CFAP251: variants seen among roughly 807,000 people sequenced by gnomAD.
CFAP251 encodes cilia- and flagella-associated protein 251.
In CFAP251, 93 loss-of-function variants were observed where a neutral mutation model predicts 126.7. The observed-to-expected ratio is 0.73, with a 90% CI of 0.62 to 0.87. The LOEUF (loss-of-function observed/expected upper bound fraction) is 0.87, where lower values mean the gene tolerates loss of function less well. Ranked by LOEUF, CFAP251 falls within the 40% of genes least tolerant of loss-of-function variation. CFAP251 has a pLI of 0.00. For synonymous variants in CFAP251, 503 were observed against 506.9 expected (o/e 0.99, Z 0.10); for missense variants, 1,287 against 1,389.2 (o/e 0.93, Z 1.17).
chr12:121,958,585 A>C (rs1881813141), intron 12 of CFAP251, 63 bp downstream of exon 12: 1 of 1,597,146 alleles, frequency 6.3e-7, no homozygotes, highest in Non-Finnish European at 8.5e-7. Flanking sequence ...GGATGGATGC[A>C]CCTGGGCTGG....
At chr12:121,963,477 A>G (rs1415975486) in intron 15 of CFAP251, among the ~76,000 whole-genome samples, 1 of 151,252 alleles carries the variant, frequency 6.6e-6, no homozygotes, top group East Asian at 2.0e-4. Flanking sequence ...GGAACACAGG[A>G]TGGTTGAAGG....
At chr12:121,927,444 C>T (rs914884540) in intron 3 of CFAP251, among the ~76,000 whole-genome samples, 2 of 151,964 alleles carry the variant, frequency 1.3e-5, no homozygotes, top group East Asian at 3.9e-4. Context: ...ATTATAGGCA[C>T]GCACCACCAT....
intron 8 of CFAP251, chr12:121,951,058 A>AT (rs1881504369): frequency 6.9e-6 from 1 of 145,244 alleles, no homozygotes; most frequent in South Asian, 2.2e-4. Flanking sequence ...ATCTCTACTA[A>AT]AAAAAAAAAA....
At chr12:121,988,483 C>A (rs1441688183) in intron 19 of CFAP251, among the ~76,000 whole-genome samples, 1 of 152,194 alleles carries the variant, frequency 6.6e-6, no homozygotes, top group Non-Finnish European at 1.5e-5. Flanking sequence ...AATATGTGGT[C>A]TTTTGGGTCC....
Position 121,951,469 on chromosome 12 carries a change from C to T in CFAP251, c.1270-11C>T. The T allele has an allele frequency of 6.5e-7, 1 of 1,533,312 alleles. No individual in the cohort carries two copies. The allele number at this position is 1,533,312 out of a possible 1,614,324, so 95.0% of individuals were successfully genotyped here. A position where few individuals can be genotyped will look rare whatever the true frequency, so the allele number is the denominator to read the frequency against. On this transcript the variant is annotated splice_polypyrimidine_tract_variant and intron_variant, in intron 8 of 21. Transcript: ENST00000288912. ...TCTTTTTGAGTAGTGATTATTTTTTCCTCTTATCAGTATGAAGAGAGGGAT... is the reference window on the plus strand; with the variant it reads ...TCTTTTTGAGTAGTGATTATTTTTTTCTCTTATCAGTATGAAGAGAGGGAT...
At chr12:121,981,094 G>A (rs947410013) in intron 19 of CFAP251, among the ~76,000 whole-genome samples, 1 of 152,182 alleles carries the variant, frequency 6.6e-6, no homozygotes, top group Non-Finnish European at 1.5e-5. Context: ...CTTAAGAGGC[G>A]ATGGGATCGC....
At chr12:121,978,125 G>C (rs930458218) in intron 19 of CFAP251, among the ~76,000 whole-genome samples, 1 of 151,262 alleles carries the variant, frequency 6.6e-6, no homozygotes, top group Non-Finnish European at 1.5e-5. Context: ...GGGCGCGGTG[G>C]CTCACGCCTG....
intron 19 of CFAP251, among the ~76,000 whole-genome samples, chr12:121,984,598 C>T (rs1882702135): frequency 6.6e-6 from 1 of 152,142 alleles, no homozygotes; most frequent in Non-Finnish European, 1.5e-5. Flanking sequence ...TGAGCCACGG[C>T]GCCCGGCCTA....
chr12:121,983,995 A>G (rs1346591602), intron 19 of CFAP251, among the ~76,000 whole-genome samples: 1 of 152,204 alleles, frequency 6.6e-6, no homozygotes, highest in African/African-American at 2.4e-5. Flanking sequence ...CCCCTCCTTC[A>G]GGAAGTTGCA....
chr12:121,997,849 T>C (rs1883056183), intron 19 of CFAP251: 1 of 151,604 alleles, frequency 6.6e-6, no homozygotes, highest in African/African-American at 2.4e-5. Context: ...CCTCCCCAGT[T>C]CAAGCGATTC....
At chr12:121,996,700 G>A (rs753069165) in intron 19 of CFAP251, among the ~76,000 whole-genome samples, 6 of 152,156 alleles carry the variant, frequency 3.9e-5, no homozygotes, top group Admixed American at 1.3e-4. Flanking sequence ...AAGAATGAAC[G>A]TCTAAAAGAT....
intron 7 of CFAP251, among the ~76,000 whole-genome samples, chr12:121,946,504 G>A (rs1309994928): frequency 2.0e-5 from 3 of 152,078 alleles, no homozygotes; most frequent in Non-Finnish European, 4.4e-5. Flanking sequence ...GTCAGCTGTC[G>A]ATCCCTATTT....
chr12:121,928,638 G>A lies in CFAP251; in HGVS notation c.748-3108G>A, dbSNP rs12812192. 1.2e-3 allele frequency among the ~76,000 whole-genome samples: 40 copies of A among 33,344 alleles called. 1 individual carries two copies. Among genetic ancestry groups the A allele is most frequent in the Non-Finnish European group, 5.0e-3 (26 of 5,216 alleles). 21.9% of individuals were successfully genotyped at this position (33,344 alleles called of 152,430 possible). A position where few individuals can be genotyped will look rare whatever the true frequency, so the allele number is the denominator to read the frequency against. Reference sequence around the variant, plus strand: ...TTTATGTATATGTGTATATATATACGTATATATATATATATATACGTATAT... The same window carrying A: ...TTTATGTATATGTGTATATATATACATATATATATATATATATACGTATAT... On this transcript the variant is annotated intron_variant, in intron 3 of 21. Transcript: ENST00000288912.
intron 7 of CFAP251, among the ~76,000 whole-genome samples, 199 bp downstream of exon 7, chr12:121,943,174 G>A (rs1881192221): frequency 6.6e-6 from 1 of 152,066 alleles, no homozygotes; most frequent in Non-Finnish European, 1.5e-5. Flanking sequence ...TTCCCTGGGT[G>A]TGGTGGCACA....
intron 19 of CFAP251, among the ~76,000 whole-genome samples, chr12:121,995,913 G>A (rs1883012438): frequency 6.6e-6 from 1 of 152,216 alleles, no homozygotes; most frequent in Admixed American, 6.5e-5. Context: ...AAATATGCAT[G>A]TGTATTTTAT....
chr12:121,937,520 G>A (rs537768872), intron 5 of CFAP251, among the ~76,000 whole-genome samples: 18 of 152,276 alleles, frequency 1.2e-4, no homozygotes, highest in East Asian at 5.8e-4. Flanking sequence ...TCACTAGAGC[G>A]CAGCACCAGG....
chr12:121,929,050 C>T (rs2135750148), intron 3 of CFAP251, among the ~76,000 whole-genome samples: 1 of 152,116 alleles, frequency 6.6e-6, no homozygotes, highest in East Asian at 1.9e-4. Flanking sequence ...AGGCCGGGAG[C>T]AGTGGCTCAT....
chr12:121,936,316 G>A (rs1018983079), intron 5 of CFAP251, among the ~76,000 whole-genome samples: 1 of 152,108 alleles, frequency 6.6e-6, no homozygotes, highest in Non-Finnish European at 1.5e-5. Context: ...ATGTGGTGGT[G>A]CATGCCTGTA....
rs911311582 is a variant in CFAP251 at position 121,989,284 on chromosome 12, C to T, written c.3007-10432C>T. On this transcript the variant is annotated intron_variant, in intron 19 of 21. Coordinates refer to ENST00000288912, the MANE Select transcript of CFAP251 (RefSeq NM_144668.6). The surrounding 1 kb of genome is among the most constrained non-coding windows in gnomAD (Gnocchi z 4.2). Reference sequence around the variant, plus strand: ...GATGCAGGGCAGGGTGACAGTCACTCTAAAGGGCCCTGTGAATGGGTGTTG... The same window carrying T: ...GATGCAGGGCAGGGTGACAGTCACTTTAAAGGGCCCTGTGAATGGGTGTTG... Among the ~76,000 whole-genome samples, 1 of 152,156 alleles carries T rather than the reference C, an allele frequency of 6.6e-6. No individual in the cohort carries two copies. The highest frequency in any genetic ancestry group is 2.4e-5 in the African/African-American group (1 of 41,430).
Sources: allele counts gnomAD v4.1 joint callset (sites outside exome capture counted in the v4.1 genomes callset), GRCh38; gene constraint gnomAD v4.1.1; non-coding constraint Gnocchi (gnomAD v3.1); transcripts MANE v1.5; gene names NCBI Gene and HGNC (gene_info 2026-07-23, HGNC 2026-07-21).